PTGER3: variants seen among roughly 807,000 people sequenced by gnomAD.
PTGER3 encodes the protein prostaglandin E2 receptor EP3 subtype.
A neutral mutation model predicts 34.7 loss-of-function variants in PTGER3; 22 were observed. That is an observed-to-expected ratio of 0.63 (90% CI 0.45 to 0.91). PTGER3 has a LOEUF of 0.91. Among genes scored for constraint, PTGER3 ranks in the 40% least tolerant of loss-of-function variants. The probability of loss-of-function intolerance (pLI) is 0.00; values close to 1 mark genes in which losing one functional copy is unlikely to be tolerated. For synonymous variants in PTGER3, 241 were observed against 230.1 expected (o/e 1.05, Z -0.43); for missense variants, 468 against 519.4 (o/e 0.90, Z 0.96).
chr1:70,953,523 A>G (rs1379228883), intron 3 of PTGER3, among the ~76,000 whole-genome samples: 1 of 152,166 alleles, frequency 6.6e-6, no homozygotes, highest in African/African-American at 2.4e-5. Flanking sequence ...CAGACATGTT[A>G]TATGGGGGCA....
downstream of PTGER3, among the ~76,000 whole-genome samples, chr1:70,967,647 G>T (rs539018134): frequency 3.3e-5 from 5 of 151,890 alleles, no homozygotes; most frequent in Non-Finnish European, 5.9e-5. Flanking sequence ...AATGATAAGC[G>T]TATATTTTAT....
intron 2 of PTGER3, chr1:71,011,265 T>C (rs1657418393): frequency 5.1e-6 from 5 of 985,196 alleles, no homozygotes; most frequent in Non-Finnish European, 6.0e-6. Flanking sequence ...GGGTCAATGT[T>C]ATTAACTTTC....
At chr1:70,979,504 C>T in intron 2 of PTGER3, among the ~76,000 whole-genome samples, 1 of 151,096 alleles carries the variant, frequency 6.6e-6, no homozygotes, top group African/African-American at 2.4e-5. Context: ...TACAGCTGCA[C>T]GTTATCTACT....
chr1:70,900,444 A>T (rs1646811286), intron 4 of PTGER3, among the ~76,000 whole-genome samples: 1 of 152,172 alleles, frequency 6.6e-6, no homozygotes, highest in South Asian at 2.1e-4. Flanking sequence ...GCTCTGAGTG[A>T]TGGGAAATGT....
intron 4 of PTGER3, among the ~76,000 whole-genome samples, chr1:70,933,538 C>T (rs1648924186): frequency 6.6e-6 from 1 of 152,138 alleles, no homozygotes; most frequent in Non-Finnish European, 1.5e-5. Flanking sequence ...AGTTTTTATG[C>T]AGCACAGAGA....
chr1:70,917,216 T>C (rs1647194119), intron 4 of PTGER3, among the ~76,000 whole-genome samples: 1 of 151,402 alleles, frequency 6.6e-6, no homozygotes, highest in South Asian at 2.1e-4. Context: ...CTCCTCAGTC[T>C]CTGGTTACTA....
At chr1:70,954,120 A>G (rs1651066700) in intron 2 of PTGER3, among the ~76,000 whole-genome samples, 1 of 152,138 alleles carries the variant, frequency 6.6e-6, no homozygotes, top group East Asian at 1.9e-4. Context: ...CCAGGAAAGT[A>G]TATAGAAATC....
At chr1:71,021,949 A>G (rs1307486300) in intron 1 of PTGER3, among the ~76,000 whole-genome samples, 2 of 151,934 alleles carry the variant, frequency 1.3e-5, no homozygotes, top group African/African-American at 2.4e-5. Flanking sequence ...ATTTAGTAAC[A>G]TGAAGAAATG....
At chr1:71,022,186 T>C (rs1267676797) in intron 1 of PTGER3, among the ~76,000 whole-genome samples, 2 of 151,924 alleles carry the variant, frequency 1.3e-5, no homozygotes, top group Admixed American at 1.3e-4. Flanking sequence ...GACTTAGCTA[T>C]AAACAATCAT....
intron 2 of PTGER3, among the ~76,000 whole-genome samples, chr1:70,960,066 A>G (rs1553167906): frequency 6.6e-6 from 1 of 152,146 alleles, no homozygotes; most frequent in Non-Finnish European, 1.5e-5. Flanking sequence ...TGCATCTACA[A>G]ACCAAGAAAC....
intron 2 of PTGER3, among the ~76,000 whole-genome samples, chr1:71,001,562 T>C (rs2100814679): frequency 6.6e-6 from 1 of 150,938 alleles, no homozygotes; most frequent in East Asian, 1.9e-4. Flanking sequence ...GCTATTTTTG[T>C]CTCCTAGAGT....
At chr1:71,020,393 G>C (rs1337893129) in intron 1 of PTGER3, among the ~76,000 whole-genome samples, 1 of 152,102 alleles carries the variant, frequency 6.6e-6, no homozygotes, top group Non-Finnish European at 1.5e-5. Flanking sequence ...TACAACTTTA[G>C]AAAAGTCATT....
chr1:70,926,517 T>G (rs1187793905), intron 4 of PTGER3, among the ~76,000 whole-genome samples: 1 of 152,182 alleles, frequency 6.6e-6, no homozygotes, highest in Non-Finnish European at 1.5e-5. Context: ...TTGTGATTTT[T>G]GTACATTGAT....
chr1:70,990,397 AT>A (rs781581896), intron 2 of PTGER3, among the ~76,000 whole-genome samples: 6,868 of 147,892 alleles, frequency 0.046, 287 homozygotes, highest in African/African-American at 0.095. Context: ...ATATATATAT[AT>A]ATAAAATACA....
At chr1:71,011,821 T>G in intron 2 of PTGER3, 1 of 998,096 alleles carries the variant, frequency 1.0e-6, no homozygotes, top group Non-Finnish European at 1.2e-6. Flanking sequence ...CAGCAATGTC[T>G]TTGAATAAAA....
intron 4 of PTGER3, among the ~76,000 whole-genome samples, chr1:70,928,188 CAT>C (rs1168236450): frequency 6.1e-5 from 9 of 146,700 alleles, no homozygotes; most frequent in Non-Finnish European, 9.0e-5. Flanking sequence ...TATTTATAGA[CAT>C]ATATTTATAT....
intron 2 of PTGER3, among the ~76,000 whole-genome samples, chr1:70,958,188 C>A (rs975635163): frequency 6.6e-6 from 1 of 151,982 alleles, no homozygotes; most frequent in Non-Finnish European, 1.5e-5. Flanking sequence ...ATCAACATAC[C>A]GATTTCATTT....
chr1:70,865,562 C>T, intron 4 of PTGER3: 1 of 1,163,342 alleles, frequency 8.6e-7, no homozygotes, highest in Non-Finnish European at 1.1e-6. Context: ...AAAATCAGGC[C>T]ACAAAAAGAT....
intron 4 of PTGER3, among the ~76,000 whole-genome samples, chr1:70,934,429 A>C (rs1000739322): frequency 2.6e-5 from 4 of 152,174 alleles, no homozygotes; most frequent in Admixed American, 1.3e-4. Flanking sequence ...GAATTCAGCT[A>C]CTTCTGCTAA....
Sources: gnomAD v4.1 joint callset for allele counts (sites outside exome capture counted in the v4.1 genomes callset) on GRCh38, gnomAD v4.1.1 for gene constraint, MANE v1.5 for transcripts, NCBI Gene and HGNC (gene_info 2026-07-23, HGNC 2026-07-21) for gene names.